The following CDKL5 variants were observed in gnomAD, a reference collection of about 807,000 sequenced individuals.
CDKL5 encodes the protein cyclin-dependent kinase-like 5.
CDKL5 carries 8 observed loss-of-function variants against 61.7 expected under a neutral mutation model. That is an observed-to-expected ratio of 0.13 (90% CI 0.08 to 0.23). The LOEUF (loss-of-function observed/expected upper bound fraction) is 0.23. Among genes scored for constraint, CDKL5 ranks in the 10% least tolerant of loss-of-function variants. The pLI, the probability that CDKL5 is intolerant of heterozygous loss-of-function variation, is 1.00. For missense variants in CDKL5, 440 were observed against 734.5 expected, an observed-to-expected ratio of 0.60 and a Z score of 4.63; for synonymous variants, 275 against 272.3, an observed-to-expected ratio of 1.01 and a Z score of -0.10.
At chrX:18,435,445 C>T (rs1462840462) in intron 1 of CDKL5, among the ~76,000 whole-genome samples, 1 of 112,112 alleles carries the variant, frequency 8.9e-6, no homozygotes, top group Non-Finnish European at 1.9e-5. Flanking sequence ...ACCTGTCCTA[C>T]ATCCTGAGGA....
At position 18,635,110 on chromosome X, in the gene CDKL5, A is replaced by G. The variant is rs1927345622; in HGVS notation, c.*6353A>G. 3 of 746,171 alleles carry G rather than the reference A, an allele frequency of 4.0e-6. No individual in the cohort carries two copies. The highest frequency in any genetic ancestry group is 4.7e-6 in the Non-Finnish European group (3 of 634,567). 61.5% of individuals were successfully genotyped at this position (746,171 alleles called of 1,213,427 possible). ...TAATTTTTGAATCCAAACTGAATTT[A>G]AAGTGTTGAATACTTAAATCCTCAC... is the stretch of plus-strand genomic sequence containing the variant. On this transcript the variant is annotated 3_prime_UTR_variant, in exon 18 of 18. Transcript: ENST00000623535.
chrX:18,527,387 A>G (rs1201818646), intron 3 of CDKL5, among the ~76,000 whole-genome samples: 2 of 111,536 alleles, frequency 1.8e-5, no homozygotes, highest in Non-Finnish European at 3.8e-5. Flanking sequence ...CTTTTTTGGA[A>G]TATTAATAAT....
intron 3 of CDKL5, among the ~76,000 whole-genome samples, chrX:18,544,258 T>A (rs189449726): frequency 2.3e-4 from 26 of 112,026 alleles, no homozygotes; most frequent in African/African-American, 7.8e-4. Flanking sequence ...GTTCTCTCCA[T>A]GGGCAGGAGA....
intron 3 of CDKL5, among the ~76,000 whole-genome samples, chrX:18,545,949 C>A (rs748586920): frequency 9.0e-6 from 1 of 111,623 alleles, no homozygotes; most frequent in Non-Finnish European, 1.9e-5. Flanking sequence ...TTAGAACTTC[C>A]GATTAGTTCA....
At chrX:18,431,616 C>CA (rs1204152120) in intron 1 of CDKL5, among the ~76,000 whole-genome samples, 2 of 106,422 alleles carry the variant, frequency 1.9e-5, no homozygotes, top group Non-Finnish European at 3.9e-5. Flanking sequence ...TTAGTAGAGA[C>CA]GGGTTTCACC....
Position 18,549,000 on chromosome X carries a change from T to C in CDKL5, c.100-15477T>C, listed in dbSNP as rs543691339. Reference sequence around the variant, plus strand: ...TGTATTTGCCAGAATTCAAGACTTATAGATTTTATATACATGCATGCACAA... The same window carrying C: ...TGTATTTGCCAGAATTCAAGACTTACAGATTTTATATACATGCATGCACAA... On this transcript the variant is annotated intron_variant, in intron 3 of 17. Transcript: ENST00000623535. Among the ~76,000 whole-genome samples, 56 of 112,223 alleles carry C rather than the reference T, an allele frequency of 5.0e-4. No individual in the cohort carries two copies. In the South Asian group the frequency reaches 0.02, roughly 39 times the overall value.
chrX:18,622,841 TCTC>T (rs1373339676), intron 16 of CDKL5, among the ~76,000 whole-genome samples: 4 of 111,518 alleles, frequency 3.6e-5, no homozygotes, highest in Non-Finnish European at 7.5e-5. Flanking sequence ...CTCTAGGAGC[TCTC>T]CTCTGGCCTC....
intron 3 of CDKL5, chrX:18,536,250 A>G (rs1376923082): frequency 9.1e-6 from 1 of 109,591 alleles, no homozygotes; most frequent in Admixed American, 9.8e-5. Flanking sequence ...GTACTCAAAA[A>G]CCTCAGTCGT....
intron 3 of CDKL5, among the ~76,000 whole-genome samples, chrX:18,553,440 G>T (rs1048835393): frequency 3.7e-5 from 4 of 108,378 alleles, no homozygotes; most frequent in Non-Finnish European, 7.7e-5. Context: ...CACTGACTTG[G>T]CTTGAAGGCA....
intron 14 of CDKL5, among the ~76,000 whole-genome samples, chrX:18,610,342 A>T (rs1225643863): frequency 8.9e-6 from 1 of 112,204 alleles, no homozygotes; most frequent in African/African-American, 3.2e-5. Flanking sequence ...CCTTTCTTTA[A>T]GGTCCTCTTC....
intron 3 of CDKL5, among the ~76,000 whole-genome samples, chrX:18,551,502 T>C (rs183715768): frequency 1.9e-5 from 2 of 107,955 alleles, no homozygotes; most frequent in East Asian, 5.7e-4. Flanking sequence ...TTTGCGGCAC[T>C]CAAATATCAG....
chrX:18,621,157 A>G (rs1334776058), intron 16 of CDKL5, among the ~76,000 whole-genome samples: 1 of 112,366 alleles, frequency 8.9e-6, no homozygotes, highest in Non-Finnish European at 1.9e-5. Context: ...GATTTCATCT[A>G]TAAGTTTAGT....
chrX:18,609,633 C>G (rs1284757086), intron 14 of CDKL5, 63 bp downstream of exon 14: 1 of 1,192,319 alleles, frequency 8.4e-7, no homozygotes, highest in African/African-American at 1.8e-5. Context: ...TATGTGCACA[C>G]TGCTTTCACC....
chrX:18,454,438 C>T (rs1402009314), intron 1 of CDKL5, among the ~76,000 whole-genome samples: 5 of 109,121 alleles, frequency 4.6e-5, no homozygotes, highest in African/African-American at 1.3e-4. Flanking sequence ...GGTTTCACTG[C>T]GTTGGCCAGG....
At chrX:18,509,192 A>AACGC (rs1555940155) in intron 2 of CDKL5, among the ~76,000 whole-genome samples, 12 of 45,002 alleles carry the variant, frequency 2.7e-4, no homozygotes. Context: ...ACTGTCTCAA[A>AACGC]ACACGCACAC....
At chrX:18,483,946 C>G in intron 1 of CDKL5, among the ~76,000 whole-genome samples, 1 of 111,860 alleles carries the variant, frequency 8.9e-6, no homozygotes, top group Non-Finnish European at 1.9e-5. Flanking sequence ...AAAATGATGA[C>G]ACCACATTGA....
chrX:18,634,405 C>A lies in CDKL5; in HGVS notation c.*5648C>A, dbSNP rs1209587746. The A allele has an allele frequency of 5.3e-6, 4 of 753,662 alleles. No individual in the cohort carries two copies. Among genetic ancestry groups the A allele is most frequent in the Non-Finnish European group, 6.3e-6 (4 of 638,838 alleles). 62.1% of individuals were successfully genotyped at this position (753,662 alleles called of 1,213,427 possible). On this transcript the variant is annotated 3_prime_UTR_variant, in exon 18 of 18. Transcript: ENST00000623535. ...AAAGGTAGATGCCTTGACTTTTGTC[C>A]CTGTTGTGGGGACTAAAGTGTTTTT...
intron 1 of CDKL5, among the ~76,000 whole-genome samples, chrX:18,460,754 G>A (rs146863578): frequency 0.042 from 4,715 of 111,554 alleles, 274 homozygotes; most frequent in African/African-American, 0.15. Context: ...TCTCACCTTG[G>A]CCTTCCAAAG....
intron 1 of CDKL5, among the ~76,000 whole-genome samples, chrX:18,437,071 A>AT (rs1376755781): frequency 4.5e-5 from 5 of 110,490 alleles, no homozygotes; most frequent in South Asian, 7.5e-4. Context: ...ACGGTTGAAG[A>AT]TTTTAAGGAG....
Sources: gnomAD v4.1 joint callset for allele counts (sites outside exome capture counted in the v4.1 genomes callset) on GRCh38, gnomAD v4.1.1 for gene constraint, MANE v1.5 for transcripts, NCBI Gene and HGNC (gene_info 2026-07-23, HGNC 2026-07-21) for gene names.